The following LINGO2 variants were observed in gnomAD, a reference collection of about 807,000 sequenced individuals.
LINGO2 encodes leucine rich repeat and Ig domain containing 2, also known as leucine-rich repeat and immunoglobulin-like domain-containing nogo receptor-interacting protein 2.
In LINGO2, 14 loss-of-function variants were observed where a neutral mutation model predicts 30.6. The ratio of observed to expected loss-of-function variants is 0.46; its 90% CI spans 0.30 to 0.72. The LOEUF (loss-of-function observed/expected upper bound fraction) is 0.72, where lower values mean the gene tolerates loss of function less well. Ranked by LOEUF, LINGO2 falls within the 30% of genes least tolerant of loss-of-function variation. The pLI is 0.07. For synonymous variants in LINGO2, 317 were observed against 288.5 expected (o/e 1.10, Z -1.00); for missense variants, 729 against 751.7 (o/e 0.97, Z 0.35).
the LINGO2 span, among the ~76,000 whole-genome samples, chr9:29,158,663 T>C: frequency 6.6e-6 from 1 of 152,186 alleles, no homozygotes; most frequent in Non-Finnish European, 1.5e-5. Flanking sequence ...CTCTAAGGTC[T>C]TACTCAGCCA....
chr9:29,149,437 A>G, the LINGO2 span, among the ~76,000 whole-genome samples: 1 of 152,078 alleles, frequency 6.6e-6, no homozygotes, highest in Non-Finnish European at 1.5e-5. Context: ...AGATATTTCA[A>G]GAGAAAACAC....
chr9:28,132,225 T>C (rs1827397569), intron 4 of LINGO2, among the ~76,000 whole-genome samples: 2 of 152,240 alleles, frequency 1.3e-5, no homozygotes, highest in Admixed American at 6.5e-5. Flanking sequence ...ACCCTGACTT[T>C]TCTTTCTAGT....
intron 2 of LINGO2, among the ~76,000 whole-genome samples, chr9:28,427,503 T>C (rs1823462427): frequency 6.6e-6 from 1 of 152,184 alleles, no homozygotes; most frequent in Non-Finnish European, 1.5e-5. Context: ...TCATTTTACA[T>C]ATGAGAAAAC....
intron 2 of LINGO2, among the ~76,000 whole-genome samples, chr9:28,382,859 A>T (rs1351810496): frequency 6.6e-6 from 1 of 152,124 alleles, no homozygotes; most frequent in African/African-American, 2.4e-5. Flanking sequence ...ATTAAATGAA[A>T]TACTACCACA....
At chr9:28,020,045 A>G (rs1013667105) in intron 4 of LINGO2, among the ~76,000 whole-genome samples, 3 of 152,130 alleles carry the variant, frequency 2.0e-5, no homozygotes, top group African/African-American at 7.2e-5. Context: ...AGTGCCCCCA[A>G]GTGATTCATA....
At chr9:29,032,514 G>T in the LINGO2 span, among the ~76,000 whole-genome samples, 18 of 152,176 alleles carry the variant, frequency 1.2e-4, no homozygotes, top group Non-Finnish European at 2.5e-4. Context: ...ACATGCATAT[G>T]TGTGTATAAT....
chr9:28,872,526 T>C, the LINGO2 span, among the ~76,000 whole-genome samples: 63 of 152,274 alleles, frequency 4.1e-4, no homozygotes, highest in Middle Eastern at 6.8e-3. Context: ...GTTCACTCTG[T>C]TACAATTTCT....
At chr9:28,479,157 A>G (rs1825835558) in intron 1 of LINGO2, among the ~76,000 whole-genome samples, 1 of 152,048 alleles carries the variant, frequency 6.6e-6, no homozygotes, top group Non-Finnish European at 1.5e-5. Flanking sequence ...TATCATTACA[A>G]AAATGAACTA....
At chr9:28,271,497 CAT>C (rs1373906003) in intron 4 of LINGO2, among the ~76,000 whole-genome samples, 4 of 152,140 alleles carry the variant, frequency 2.6e-5, no homozygotes, top group Non-Finnish European at 5.9e-5. Context: ...TCAGAAATAA[CAT>C]AGAATTTGTA....
At chr9:28,308,433 A>G (rs939126208) in intron 3 of LINGO2, among the ~76,000 whole-genome samples, 46 of 143,536 alleles carry the variant, frequency 3.2e-4, no homozygotes, top group African/African-American at 9.1e-4. Flanking sequence ...AATTAATTCA[A>G]GATGGATTAA....
At chr9:28,903,011 A>C in the LINGO2 span, among the ~76,000 whole-genome samples, 2 of 151,882 alleles carry the variant, frequency 1.3e-5, no homozygotes, top group Admixed American at 1.3e-4. Context: ...TAGGAGGGTA[A>C]AAATAGTAAA....
At chr9:28,554,146 C>A (rs1417210909) in intron 1 of LINGO2, among the ~76,000 whole-genome samples, 2 of 151,372 alleles carry the variant, frequency 1.3e-5, no homozygotes, top group Admixed American at 6.6e-5. Context: ...TCACACATAA[C>A]CATATTAACT....
At chr9:28,497,423 TGATAC>T (rs1819678593) in intron 1 of LINGO2, among the ~76,000 whole-genome samples, 1 of 152,216 alleles carries the variant, frequency 6.6e-6, no homozygotes, top group African/African-American at 2.4e-5. Flanking sequence ...CTTGAATCAC[TGATAC>T]CCTTTCTTCC....
At chr9:28,145,075 C>G (rs1827776448) in intron 4 of LINGO2, among the ~76,000 whole-genome samples, 1 of 152,198 alleles carries the variant, frequency 6.6e-6, no homozygotes, top group Admixed American at 6.5e-5. Flanking sequence ...AGCAAAATGT[C>G]ACCTTTTCTC....
At chr9:28,036,965 A>G (rs1372109839) in intron 4 of LINGO2, among the ~76,000 whole-genome samples, 1 of 152,208 alleles carries the variant, frequency 6.6e-6, no homozygotes, top group Non-Finnish European at 1.5e-5. Flanking sequence ...TGTTTAAGTG[A>G]GACAAGTGTA....
chr9:29,155,403 G>C, the LINGO2 span, among the ~76,000 whole-genome samples: 1 of 152,088 alleles, frequency 6.6e-6, no homozygotes, highest in Non-Finnish European at 1.5e-5. Flanking sequence ...AAAAATTACT[G>C]TCTTTCTCCT....
chr9:28,695,410 C>T, the LINGO2 span, among the ~76,000 whole-genome samples: 3 of 151,826 alleles, frequency 2.0e-5, no homozygotes, highest in Admixed American at 6.6e-5. Context: ...TATATTTATA[C>T]AGTCTTTTTA....
Position 28,379,624 on chromosome 9 carries a change from C to T in LINGO2, c.-278-6756G>A, listed in dbSNP as rs141953608. 5.6e-4 allele frequency among the ~76,000 whole-genome samples: 85 copies of T among 152,188 alleles called. 1 individual carries two copies. The East Asian group carries it at 0.011, about 20-fold the overall frequency. ...TATGACTTAGGATCAACAGGAAATG[C>T]GATGTGCCTCCCACAAACACGAATG... On this transcript the variant is annotated intron_variant, in intron 2 of 5. Transcript: ENST00000379992.
chr9:28,217,858 T>C (rs973903461), intron 4 of LINGO2, among the ~76,000 whole-genome samples: 2 of 152,026 alleles, frequency 1.3e-5, no homozygotes, highest in African/African-American at 4.8e-5. Context: ...AAGTGGGGTA[T>C]ATTATTTTGA....
Sources: gnomAD v4.1 joint callset for allele counts (sites outside exome capture counted in the v4.1 genomes callset) on GRCh38, gnomAD v4.1.1 for gene constraint, MANE v1.5 for transcripts, NCBI Gene and HGNC (gene_info 2026-07-23, HGNC 2026-07-21) for gene names.